NF1: variants seen among roughly 807,000 people sequenced by gnomAD.
NF1 encodes the protein neurofibromin 1.
In NF1, 122 loss-of-function variants were observed where a neutral mutation model predicts 325.7. The ratio of observed to expected loss-of-function variants is 0.37; its 90% CI spans 0.32 to 0.44. NF1 has a LOEUF of 0.44. NF1 is among the 20% of genes least tolerant of loss of function. The pLI is 1.00. For synonymous variants in NF1, 1,091 were observed against 1,186.0 expected, an observed-to-expected ratio of 0.92 and a Z score of 1.65; for missense variants, 2,140 against 3,415.4, an observed-to-expected ratio of 0.63 and a Z score of 9.31.
At chr17:31,200,756 AT>A (rs2066513185) in intron 9 of NF1, among the ~76,000 whole-genome samples, 161 bp downstream of exon 9, 1 of 152,230 alleles carries the variant, frequency 6.6e-6, no homozygotes, top group Non-Finnish European at 1.5e-5. Context: ...ATCAGCCTAA[AT>A]GGACTGAGAA....
rs73273553 is a variant in NF1, at chr17:31,172,737, T to A, written c.586+2740T>A. 7.8e-3 allele frequency among the ~76,000 whole-genome samples: 1,189 copies of A among 152,292 alleles called. 21 individuals carry two copies. Among genetic ancestry groups the A allele is most frequent in the African/African-American group, 0.027 (1,139 of 41,546 alleles). On this transcript the variant is annotated intron_variant, in intron 5 of 57. Coordinates refer to ENST00000358273, the MANE Select transcript of NF1 (RefSeq NM_001042492.3). ...TACTTGACTGCTGCACTGTTGTGCT[T>A]ATGAGTTACGAAGCTTTATTTTAGT... is the stretch of plus-strand genomic sequence containing the variant.
intron 37 of NF1, 47 bp downstream of exon 37, chr17:31,326,299 C>T (rs2151539290): frequency 6.4e-7 from 1 of 1,560,490 alleles, no homozygotes; most frequent in Non-Finnish European, 8.7e-7. Flanking sequence ...CTTTTCTTGA[C>T]TAACTAGACT....
chr17:31,177,040 A>G (rs1224132344), intron 5 of NF1, among the ~76,000 whole-genome samples: 2 of 152,322 alleles, frequency 1.3e-5, no homozygotes, highest in Admixed American at 6.5e-5. Flanking sequence ...AATTCTGTGA[A>G]GAAAGTCAGT....
At chr17:31,096,132 C>T (rs1018209466) in intron 1 of NF1, among the ~76,000 whole-genome samples, 5 of 131,448 alleles carry the variant, frequency 3.8e-5, no homozygotes, top group South Asian at 4.7e-4. Flanking sequence ...GCAGTCTCTT[C>T]CCCCCCCCCT....
chr17:31,198,773 C>T (rs1011241262), intron 8 of NF1, among the ~76,000 whole-genome samples: 2 of 151,956 alleles, frequency 1.3e-5, no homozygotes, highest in Non-Finnish European at 2.9e-5. Context: ...CACCACCATG[C>T]CTGTGTAATT....
At chr17:31,147,021 A>G (rs1487160056) in intron 1 of NF1, among the ~76,000 whole-genome samples, 1 of 152,202 alleles carries the variant, frequency 6.6e-6, no homozygotes, top group Non-Finnish European at 1.5e-5. Flanking sequence ...CAAATGGCCA[A>G]TTTGTTTTTG....
chr17:31,363,029 T>C (rs2151590596), intron 57 of NF1, among the ~76,000 whole-genome samples: 1 of 152,290 alleles, frequency 6.6e-6, no homozygotes, highest in East Asian at 1.9e-4. Context: ...TGGTGTCACC[T>C]CCATTAGCTC....
At chr17:31,161,657 G>A (rs1268307900) in intron 3 of NF1, among the ~76,000 whole-genome samples, 2 of 152,166 alleles carry the variant, frequency 1.3e-5, no homozygotes, top group African/African-American at 4.8e-5. Context: ...TGTTCTCATG[G>A]TGTGATGTAA....
chr17:31,302,830 G>C (rs974232570), intron 36 of NF1, among the ~76,000 whole-genome samples: 1 of 152,196 alleles, frequency 6.6e-6, no homozygotes, highest in African/African-American at 2.4e-5. Context: ...GGGCGACAGA[G>C]TGAGACTCTG....
chr17:31,269,027 C>G (rs757383), intron 36 of NF1, among the ~76,000 whole-genome samples: 83,228 of 151,638 alleles, frequency 0.55, 25,957 homozygotes, highest in Middle Eastern at 0.76. Context: ...TTTAGTTGGA[C>G]CTTAATGGTC....
chr17:31,232,632 G>A (rs2067132011), intron 25 of NF1, 68 bp from the exon 26 acceptor site: 1 of 1,445,140 alleles, frequency 6.9e-7, no homozygotes, highest in Non-Finnish European at 9.7e-7. Context: ...GATTGTTTTG[G>A]AATGTCTGGT....
intron 39 of NF1, among the ~76,000 whole-genome samples, chr17:31,333,715 C>T (rs1212562706): frequency 1.3e-5 from 2 of 152,160 alleles, no homozygotes; most frequent in Admixed American, 6.5e-5. Flanking sequence ...TGAAAAGGTT[C>T]TAGAGATGGA....
At chr17:31,312,397 G>A (rs139782423) in intron 36 of NF1, among the ~76,000 whole-genome samples, 2,624 of 151,912 alleles carry the variant, frequency 0.017, 90 homozygotes, top group African/African-American at 0.06. Context: ...TGTAATCCCA[G>A]CTACTCAGGA....
At chr17:31,161,093 C>T (rs182114774) in intron 3 of NF1, among the ~76,000 whole-genome samples, 25 of 152,168 alleles carry the variant, frequency 1.6e-4, no homozygotes, top group South Asian at 1.2e-3. Context: ...CACAAGTATA[C>T]GTTTGTTATA....
chr17:31,269,773 A>G (rs2067857963), intron 36 of NF1, among the ~76,000 whole-genome samples: 1 of 152,092 alleles, frequency 6.6e-6, no homozygotes. Context: ...CCTCTTTCCC[A>G]GTTTTGTGGT....
chr17:31,249,649 A>G (rs2067460439), intron 30 of NF1, among the ~76,000 whole-genome samples: 1 of 152,358 alleles, frequency 6.6e-6, no homozygotes, highest in East Asian at 1.9e-4. Context: ...TTCAGACCAA[A>G]TTATTAGACC....
intron 2 of NF1, among the ~76,000 whole-genome samples, chr17:31,158,516 G>A (rs188246629): frequency 1.3e-5 from 2 of 152,126 alleles, no homozygotes; most frequent in East Asian, 1.9e-4. Context: ...TGTTATATTG[G>A]CGTTCATTTA....
At chr17:31,260,318 A>C in intron 33 of NF1, 51 bp from the exon 34 acceptor site, 1 of 1,574,638 alleles carries the variant, frequency 6.4e-7, no homozygotes, top group Non-Finnish European at 8.7e-7. Flanking sequence ...TTCAAACATA[A>C]GTCTGGGTGT....
At chr17:31,366,597 T>C (rs914574120) in intron 57 of NF1, among the ~76,000 whole-genome samples, 9 of 152,174 alleles carry the variant, frequency 5.9e-5, no homozygotes, top group Admixed American at 1.3e-4. Context: ...GTTTGAAATA[T>C]CTCCCTCTTA....
Sources: allele counts gnomAD v4.1 joint callset (sites outside exome capture counted in the v4.1 genomes callset), GRCh38; gene constraint gnomAD v4.1.1; transcripts MANE v1.5; gene names NCBI Gene and HGNC (gene_info 2026-07-23, HGNC 2026-07-21).